WDR38: variants seen among roughly 807,000 people sequenced by gnomAD.
The protein encoded by WDR38 is WD repeat domain 38.
In WDR38, 37 loss-of-function variants were observed where a neutral mutation model predicts 36.6. The observed-to-expected ratio is 1.01, with a 90% CI of 0.78 to 1.33. The LOEUF (loss-of-function observed/expected upper bound fraction) is 1.33, where lower values mean the gene tolerates loss of function less well. Among genes scored for constraint, WDR38 ranks in the 40% most tolerant of loss-of-function variants. The probability of loss-of-function intolerance (pLI) is 0.00; values close to 1 mark genes in which losing one functional copy is unlikely to be tolerated. For synonymous variants in WDR38, 164 were observed against 168.1 expected (o/e 0.98, Z 0.19); for missense variants, 411 against 414.6 (o/e 0.99, Z 0.07).
Position 124,855,977 on chromosome 9 carries a change from G to A in WDR38, c.405+19G>A. On this transcript the variant is annotated intron_variant, in intron 4 of 8. Transcript: ENST00000373574. ...TGTGCAGGTACGTTGAGGGGCTGGG[G>A]CCACCAGTCTGGGATTCAAGGACCA... 2 of 1,613,630 alleles carry A rather than the reference G, an allele frequency of 1.2e-6. No individual in the cohort carries two copies. Among genetic ancestry groups the A allele is most frequent in the South Asian group, 1.1e-5 (1 of 91,080 alleles).
chr9:124,855,525 T>C, intron 2 of WDR38, 109 bp from the exon 3 acceptor site: 1 of 1,108,734 alleles, frequency 9.0e-7, no homozygotes, highest in Non-Finnish European at 1.3e-6. Context: ...AAGCTGGAGT[T>C]TGGGTGAGGG....
chr9:124,854,529 C>T (rs1004926269), intron 2 of WDR38, among the ~76,000 whole-genome samples: 3 of 151,532 alleles, frequency 2.0e-5, no homozygotes, highest in Non-Finnish European at 4.4e-5. Flanking sequence ...CACACACACA[C>T]ACATACATAC....
Position 124,856,736 on chromosome 9 carries a change from C to A in WDR38, c.623C>A (p.Ser208Tyr), listed in dbSNP as rs1347438715. Residue 208 changes from serine to tyrosine, a missense_variant, in exon 7 of 9, where the codon TCC (serine) becomes TAC (tyrosine). Physicochemically the swap from Ser to Tyr is moderately radical, Grantham distance 144. Transcript: ENST00000373574. ...LCYSASGLLA[S>Y]GSWDKTIHIW... is the part of the protein sequence containing the mutation. ...TCAGAGCTGTCTGCTGTCCAGGCATCCGGCTCCTGGGACAAGACCATCCAC... is the reference window on the plus strand; with the variant it reads ...TCAGAGCTGTCTGCTGTCCAGGCATACGGCTCCTGGGACAAGACCATCCAC... The A allele has an allele frequency of 1.2e-6, 2 of 1,614,094 alleles. No individual in the cohort carries two copies. The highest frequency in any genetic ancestry group is 2.2e-5 in the East Asian group (1 of 44,896).
At chr9:124,855,518 C>G (rs1165091364) in intron 2 of WDR38, 116 bp from the exon 3 acceptor site, 43 of 1,045,086 alleles carry the variant, frequency 4.1e-5, no homozygotes, top group Non-Finnish European at 5.9e-5. Context: ...TTCTGGGAAG[C>G]TGGAGTTTGG....
At chr9:124,857,314 T>C in intron 7 of WDR38, 50 bp from the exon 8 acceptor site, 1 of 1,609,542 alleles carries the variant, frequency 6.2e-7, no homozygotes, top group East Asian at 2.2e-5. Context: ...TGGCTTCAGA[T>C]GCCACAGTGG....
chr9:124,855,526 T>G, intron 2 of WDR38, 108 bp from the exon 3 acceptor site: 1 of 1,126,294 alleles, frequency 8.9e-7, no homozygotes, highest in Middle Eastern at 2.8e-4. Flanking sequence ...AGCTGGAGTT[T>G]GGGTGAGGGG....
At chr9:124,854,815 C>T (rs1200487430) in intron 2 of WDR38, among the ~76,000 whole-genome samples, 4 of 152,176 alleles carry the variant, frequency 2.6e-5, no homozygotes, top group African/African-American at 7.2e-5. Context: ...CCACCCACCT[C>T]GGCCTCCCAA....
At chr9:124,854,509 T>TAA (rs775010150) in intron 2 of WDR38, among the ~76,000 whole-genome samples, 184 bp downstream of exon 2, 1 of 21,864 alleles carries the variant, frequency 4.6e-5, no homozygotes, top group African/African-American at 1.2e-4. Context: ...CAGCCTTCTT[T>TAA]AAAAACACAC....
At chr9:124,854,813 C>T (rs912387452) in intron 2 of WDR38, among the ~76,000 whole-genome samples, 51 of 152,190 alleles carry the variant, frequency 3.4e-4, no homozygotes, top group African/African-American at 1.2e-3. Flanking sequence ...ATCCACCCAC[C>T]TCGGCCTCCC....
chr9:124,856,176 G>A, intron 4 of WDR38, 64 bp from the exon 5 acceptor site: 1 of 1,606,610 alleles, frequency 6.2e-7, no homozygotes, highest in Non-Finnish European at 8.5e-7. Flanking sequence ...CCCCTTTCCT[G>A]GACTGTCAAG....
intron 1 of WDR38, 77 bp downstream of exon 1, chr9:124,853,677 C>A: frequency 9.0e-7 from 1 of 1,113,404 alleles, no homozygotes. Context: ...GTGGGGGTTC[C>A]AGAATGTTCT....
chr9:124,854,331 G>C lies in WDR38; in HGVS notation c.190+6G>C, dbSNP rs746227903. ...GAGGCTGGGTGGCCACACAGGTGGGGCTCCCACACCTGGCCGGGAAGACCG... is the reference window on the plus strand; with the variant it reads ...GAGGCTGGGTGGCCACACAGGTGGGCCTCCCACACCTGGCCGGGAAGACCG... On this transcript the variant is annotated splice_donor_region_variant and intron_variant, in intron 2 of 8. Coordinates refer to ENST00000373574, the MANE Select transcript of WDR38 (RefSeq NM_001045476.3). The C allele has an allele frequency of 6.2e-7, 1 of 1,613,338 alleles. No individual in the cohort carries two copies. Among genetic ancestry groups the C allele is most frequent in the African/African-American group, 1.3e-5 (1 of 74,930 alleles).
chr9:124,856,270 C>T lies in WDR38; in HGVS notation c.436C>T (p.His146Tyr), dbSNP rs752518012. 3 of 1,614,090 alleles carry T rather than the reference C, an allele frequency of 1.9e-6. No homozygotes were observed. The highest frequency in any genetic ancestry group is 1.7e-5 in the Admixed American group (1 of 60,016). Residue 146 changes from histidine (H) to tyrosine (Y), a missense_variant, in exon 5 of 9, where the codon CAC (histidine) becomes TAC (tyrosine). Transcript: ENST00000373574. ...SGQMLRLLVG[H>Y]RDSIQSSDFS... ...CCAGATGCTGCGCCTCTTAGTTGGG[C>T]ACCGTGACTCCATCCAGAGCAGCGA... is the stretch of plus-strand genomic sequence containing the variant.
At position 124,856,587 on chromosome 9, in the gene WDR38, C is replaced by T; in HGVS notation, c.605C>T (p.Ala202Val). The T allele has an allele frequency of 3.1e-6, 5 of 1,613,880 alleles. No homozygotes were observed. The highest frequency in any genetic ancestry group is 3.4e-6 in the Non-Finnish European group (4 of 1,179,922). ...SANISCLCYS[A>V]SGLLASGSWD... is the part of the protein sequence containing the mutation. ...AACATCAGCTGCCTGTGCTATTCAGCATCCGGCCTCCTGGTAAGTGGGGTG... is the reference window on the plus strand; with the variant it reads ...AACATCAGCTGCCTGTGCTATTCAGTATCCGGCCTCCTGGTAAGTGGGGTG... Residue 202 changes from alanine (A) to valine (V), a missense_variant, in exon 6 of 9, where the codon GCA (alanine) becomes GTA (valine). Physicochemically the swap from Ala to Val is moderately conservative, Grantham distance 64 (BLOSUM62 0). Coordinates refer to ENST00000373574, the MANE Select transcript of WDR38 (RefSeq NM_001045476.3).
chr9:124,854,267 C>T lies in WDR38; in HGVS notation c.132C>T (p.Cys44=), dbSNP rs371871467. The T allele has an allele frequency of 9.3e-6, 15 of 1,613,992 alleles. No homozygotes were observed. Among genetic ancestry groups the T allele is most frequent in the East Asian group, 8.9e-5 (4 of 44,888 alleles). The change falls in exon 2 of 9, where the codon TGC becomes TGT. Residue 44 remains cysteine (C), a synonymous_variant. Coordinates refer to ENST00000373574, the MANE Select transcript of WDR38 (RefSeq NM_001045476.3). The stretch of plus-strand genomic sequence containing the variant: ...TGCTCACAGGCTCAGAAGATGGCTG[C>T]GTGTATGGCTGGGAGACCCGGAGTG... The part of the protein sequence containing the change: ...QMLLTGSEDG[C]VYGWETRSGQ...
At position 124,856,726 on chromosome 9, in the gene WDR38, G is replaced by C. The variant is rs74942099; in HGVS notation, c.619-6G>C. ...ACCCTGGGGATCAGAGCTGTCTGCT[G>C]TCCAGGCATCCGGCTCCTGGGACAA... is the stretch of plus-strand genomic sequence containing the variant. On this transcript the variant is annotated splice_region_variant and splice_polypyrimidine_tract_variant and intron_variant, in intron 6 of 8. Transcript: ENST00000373574. 0.06 allele frequency: 96,061 copies of C among 1,613,878 alleles called. 3,333 individuals carry two copies. The highest frequency in any genetic ancestry group is 0.069 in the Non-Finnish European group (81,512 of 1,179,940).
chr9:124,857,374 G>A lies in WDR38; in HGVS notation c.779G>A (p.Trp260Ter), dbSNP rs1484753728. Residue 260 changes from tryptophan to a stop codon, truncating the protein, a stop_gained, in exon 8 of 9, where the codon TGG becomes TAG. Coordinates refer to ENST00000373574, the MANE Select transcript of WDR38 (RefSeq NM_001045476.3). LOFTEE classifies it low-confidence loss of function (END_TRUNC). ...SAGYSRMVKVWDCNTGKCLET... is the reference protein window; with the variant it reads ...SAGYSRMVKV Reference sequence around the variant, plus strand: ...CCCCTCCTTTTCCAGGTCAAAGTCTGGGACTGCAACACAGGAAAGTGCCTT... The same window carrying A: ...CCCCTCCTTTTCCAGGTCAAAGTCTAGGACTGCAACACAGGAAAGTGCCTT... 3.1e-6 allele frequency: 5 copies of A among 1,613,934 alleles called. No homozygotes were observed. The African/African-American group carries it at 4.0e-5, about 13-fold the overall frequency.
At chr9:124,855,357 A>G (rs1056693445) in intron 2 of WDR38, among the ~76,000 whole-genome samples, 2 of 152,208 alleles carry the variant, frequency 1.3e-5, no homozygotes, top group African/African-American at 4.8e-5. Flanking sequence ...CTGGAGCTCA[A>G]AGGAGGCAGT....
chr9:124,857,668 C>T lies in WDR38; in HGVS notation c.*38C>T. ...TAGATGGTGCCGACCTCACCCGCTC[C>T]CCTCAGTGGCGCACAGGCATGCCGC... On this transcript the variant is annotated 3_prime_UTR_variant, in exon 9 of 9. Transcript: ENST00000373574. 1 of 1,611,498 alleles carries T rather than the reference C, an allele frequency of 6.2e-7. No individual in the cohort carries two copies. The highest frequency in any genetic ancestry group is 8.5e-7 in the Non-Finnish European group (1 of 1,179,770).
Sources: allele counts gnomAD v4.1 joint callset (sites outside exome capture counted in the v4.1 genomes callset), GRCh38; gene constraint gnomAD v4.1.1; transcripts MANE v1.5; gene names NCBI Gene and HGNC (gene_info 2026-07-23, HGNC 2026-07-21).